The following REEP3 variants were observed in gnomAD, a reference collection of about 807,000 sequenced individuals.
REEP3 encodes receptor expression-enhancing protein 3.
In REEP3, 20 loss-of-function variants were observed where a neutral mutation model predicts 41.3. That is an observed-to-expected ratio of 0.48 (90% CI 0.34 to 0.70). The LOEUF is 0.70. Among genes scored for constraint, REEP3 ranks in the 30% least tolerant of loss-of-function variants. The pLI is 0.01. For synonymous variants in REEP3, 104 were observed against 101.8 expected, an observed-to-expected ratio of 1.02 and a Z score of -0.13; for missense variants, 271 against 308.8, an observed-to-expected ratio of 0.88 and a Z score of 0.92.
intron 6 of REEP3, among the ~76,000 whole-genome samples, chr10:63,617,864 A>G (rs1442513643): frequency 8.3e-6 from 1 of 120,374 alleles, no homozygotes; most frequent in Non-Finnish European, 1.6e-5. Flanking sequence ...TTGCTCTGTC[A>G]CCCAAGCTGG....
intron 1 of REEP3, among the ~76,000 whole-genome samples, chr10:63,548,764 G>A (rs1159313966): frequency 6.6e-6 from 1 of 151,874 alleles, no homozygotes; most frequent in African/African-American, 2.4e-5. Context: ...ATTTAATTAC[G>A]CTTTCTCAAT....
intron 6 of REEP3, among the ~76,000 whole-genome samples, chr10:63,614,959 A>G (rs537486043): frequency 1.3e-5 from 2 of 152,196 alleles, no homozygotes; most frequent in African/African-American, 2.4e-5. Flanking sequence ...GTTTATAATA[A>G]CAAATATTGG....
intron 5 of REEP3, among the ~76,000 whole-genome samples, chr10:63,606,638 A>G (rs991488398): frequency 1.3e-5 from 2 of 152,208 alleles, no homozygotes; most frequent in Admixed American, 6.5e-5. Flanking sequence ...TAATTTAAAC[A>G]AAACCAATCC....
At chr10:63,547,356 T>A (rs1461585147) in intron 1 of REEP3, among the ~76,000 whole-genome samples, 2 of 151,882 alleles carry the variant, frequency 1.3e-5, no homozygotes, top group African/African-American at 4.8e-5. Flanking sequence ...AAGACACCAT[T>A]GAGAGTGAAA....
At chr10:63,606,131 A>G (rs917293572) in intron 5 of REEP3, 14 of 954,920 alleles carry the variant, frequency 1.5e-5, no homozygotes, top group Admixed American at 6.2e-5. Context: ...TACACAGAGT[A>G]CAGACAATTC....
chr10:63,580,872 C>T (rs1374550711), intron 2 of REEP3, among the ~76,000 whole-genome samples: 1 of 151,966 alleles, frequency 6.6e-6, no homozygotes, highest in Non-Finnish European at 1.5e-5. Flanking sequence ...AATAGCCGGG[C>T]ATAGAGACAT....
intron 1 of REEP3, among the ~76,000 whole-genome samples, chr10:63,538,717 G>A (rs1337457589): frequency 6.6e-6 from 1 of 152,184 alleles, no homozygotes; most frequent in Non-Finnish European, 1.5e-5. Context: ...CTGGGCGACA[G>A]AGCGAGACTC....
chr10:63,615,307 G>A (rs1450049562), intron 6 of REEP3, among the ~76,000 whole-genome samples: 2 of 151,828 alleles, frequency 1.3e-5, no homozygotes, highest in Admixed American at 6.6e-5. Flanking sequence ...ATTCATTTTC[G>A]GGTTTTAAGT....
intron 1 of REEP3, among the ~76,000 whole-genome samples, chr10:63,559,290 T>C (rs2133369214): frequency 6.6e-6 from 1 of 152,322 alleles, no homozygotes; most frequent in Non-Finnish European, 1.5e-5. Flanking sequence ...ATTTTAGTAG[T>C]GATTTATACA....
chr10:63,555,388 T>C (rs1955668544), intron 1 of REEP3, among the ~76,000 whole-genome samples: 1 of 152,350 alleles, frequency 6.6e-6, no homozygotes, highest in East Asian at 1.9e-4. Flanking sequence ...AACAAATGTA[T>C]TTTTCTTAAA....
chr10:63,535,866 A>G (rs1224032121), intron 1 of REEP3, among the ~76,000 whole-genome samples: 1 of 152,266 alleles, frequency 6.6e-6, no homozygotes, highest in Non-Finnish European at 1.5e-5. Context: ...GCCCAAGTGT[A>G]AAAAGTACAG....
intron 2 of REEP3, among the ~76,000 whole-genome samples, chr10:63,572,083 C>T (rs1382593066): frequency 6.6e-6 from 1 of 152,104 alleles, no homozygotes; most frequent in Non-Finnish European, 1.5e-5. Flanking sequence ...GGGCGGGACC[C>T]ACCAGCATTG....
intron 1 of REEP3, among the ~76,000 whole-genome samples, chr10:63,553,958 T>G (rs573698142): frequency 2.6e-5 from 4 of 152,072 alleles, no homozygotes; most frequent in Admixed American, 2.0e-4. Flanking sequence ...AAAAATTAGC[T>G]GGGCGTGGTG....
chr10:63,595,210 G>A lies in REEP3; in HGVS notation c.182+356G>A, dbSNP rs1402255814. Among the ~76,000 whole-genome samples, 4 of 152,264 alleles carry A rather than the reference G, an allele frequency of 2.6e-5. No homozygotes were observed. In the South Asian group the frequency reaches 8.3e-4, roughly 32 times the overall value. On this transcript the variant is annotated intron_variant, in intron 3 of 7. Transcript: ENST00000373758. ...CCACTTTTGAAGCCCACAGCATCTGGTTTTAGCACCCCTCCCTATCCTATC... is the reference window on the plus strand; with the variant it reads ...CCACTTTTGAAGCCCACAGCATCTGATTTTAGCACCCCTCCCTATCCTATC...
At chr10:63,564,825 A>G (rs1381446953) in intron 1 of REEP3, among the ~76,000 whole-genome samples, 1 of 152,222 alleles carries the variant, frequency 6.6e-6, no homozygotes, top group Non-Finnish European at 1.5e-5. Flanking sequence ...CACAACCAAG[A>G]AGTGAACATC....
At chr10:63,564,460 T>G (rs549652389) in intron 1 of REEP3, among the ~76,000 whole-genome samples, 1 of 151,744 alleles carries the variant, frequency 6.6e-6, no homozygotes, top group Non-Finnish European at 1.5e-5. Flanking sequence ...CCATCTCTAC[T>G]AAAAATACAA....
In REEP3 at chr10:63,623,037, A is replaced by G. The variant is rs1368999228; in HGVS notation, c.*2168A>G. ...TATCTCTCTAAAGTCTGGTCCCAGT[A>G]TTAAACCTATTCTTTAGTAAACTCA... On this transcript the variant is annotated 3_prime_UTR_variant, in exon 8 of 8. Coordinates refer to ENST00000373758, the MANE Select transcript of REEP3 (RefSeq NM_001001330.3). The G allele has an allele frequency of 6.6e-6, 1 of 152,212 alleles. No homozygotes were observed. Among genetic ancestry groups the G allele is most frequent in the Non-Finnish European group, 1.5e-5 (1 of 68,038 alleles). The allele number at this position is 152,212 out of a possible 1,614,324, so 9.4% of individuals were successfully genotyped here.
At chr10:63,524,159 T>G (rs1399006140) in intron 1 of REEP3, among the ~76,000 whole-genome samples, 3 of 152,214 alleles carry the variant, frequency 2.0e-5, no homozygotes, top group African/African-American at 4.8e-5. Flanking sequence ...CATTCTATTT[T>G]TCCTCTTTAC....
chr10:63,563,701 AC>A (rs1387898571), intron 1 of REEP3, among the ~76,000 whole-genome samples: 3 of 146,046 alleles, frequency 2.1e-5, no homozygotes, highest in East Asian at 1.9e-4. Context: ...ATAATATAGT[AC>A]TAAAAAGTGG....
Sources: allele counts gnomAD v4.1 joint callset (sites outside exome capture counted in the v4.1 genomes callset), GRCh38; gene constraint gnomAD v4.1.1; transcripts MANE v1.5; gene names NCBI Gene and HGNC (gene_info 2026-07-23, HGNC 2026-07-21).